Variants in RB1 observed in about 807,000 individuals in gnomAD.
The protein encoded by RB1 is retinoblastoma-associated protein.
RB1 carries 18 observed loss-of-function variants against 135.4 expected under a neutral mutation model. That is an observed-to-expected ratio of 0.13 (90% CI 0.09 to 0.20). The LOEUF (loss-of-function observed/expected upper bound fraction) is 0.20, where lower values mean the gene tolerates loss of function less well. Among genes scored for constraint, RB1 ranks in the 10% least tolerant of loss-of-function variants. The pLI is 1.00. For synonymous variants in RB1, 365 were observed against 373.2 expected (o/e 0.98, Z 0.25); for missense variants, 868 against 1,110.0 (o/e 0.78, Z 3.10).
chr13:48,424,174 T>C (rs1949047482), intron 17 of RB1: 1 of 152,648 alleles, frequency 6.6e-6, no homozygotes, highest in African/African-American at 2.4e-5. Context: ...TGAACATTTG[T>C]AATTTATGTT....
chr13:48,343,579 T>G (rs1401024982), intron 3 of RB1, among the ~76,000 whole-genome samples: 5 of 152,158 alleles, frequency 3.3e-5, no homozygotes, highest in African/African-American at 1.2e-4. Context: ...AGGCACTCAC[T>G]GCTTCTCTCC....
chr13:48,453,139 A>C (rs1949339369), intron 18 of RB1, 28 bp downstream of exon 18: 1 of 1,586,182 alleles, frequency 6.3e-7, no homozygotes, highest in South Asian at 1.1e-5. Flanking sequence ...TATGTTGACC[A>C]TTCAAACTGC....
chr13:48,390,433 C>T (rs1319244170), intron 17 of RB1, among the ~76,000 whole-genome samples: 2 of 152,010 alleles, frequency 1.3e-5, no homozygotes, highest in Admixed American at 1.3e-4. Flanking sequence ...CCAGAAAGTA[C>T]AGTGAGCAAG....
intron 17 of RB1, among the ~76,000 whole-genome samples, chr13:48,425,401 T>A (rs1176522885): frequency 6.6e-6 from 1 of 152,222 alleles, no homozygotes; most frequent in Non-Finnish European, 1.5e-5. Flanking sequence ...ATTCTTCACA[T>A]ACAATATATG....
chr13:48,351,759 T>G (rs1439505489), intron 6 of RB1, among the ~76,000 whole-genome samples: 2 of 151,904 alleles, frequency 1.3e-5, no homozygotes, highest in African/African-American at 2.4e-5. Flanking sequence ...CTGCAACCTC[T>G]GCCTCCCGGG....
chr13:48,337,736 T>G lies in RB1; in HGVS notation c.265-4863T>G, dbSNP rs1952398124. ...ATCCTGTCATTATGATGTTAGCTGG[T>G]GATTTTGCTCGTTAGTTGATGCAGT... On this transcript the variant is annotated intron_variant, in intron 2 of 26. Transcript: ENST00000267163. Among the ~76,000 whole-genome samples, 6 of 152,338 alleles carry G rather than the reference T, an allele frequency of 3.9e-5. No individual in the cohort carries two copies. In the South Asian group the frequency reaches 1.2e-3, roughly 32 times the overall value.
intron 3 of RB1, among the ~76,000 whole-genome samples, chr13:48,343,681 A>G (rs1002452802): frequency 1.3e-5 from 2 of 152,192 alleles, no homozygotes; most frequent in Non-Finnish European, 2.9e-5. Flanking sequence ...AGGTATTGCC[A>G]TATACCTCAA....
intron 6 of RB1, among the ~76,000 whole-genome samples, chr13:48,349,995 T>C (rs1161442857): frequency 2.0e-5 from 3 of 152,134 alleles, no homozygotes; most frequent in Non-Finnish European, 4.4e-5. Context: ...GATATAACAG[T>C]GTTAAATATT....
In RB1 at chr13:48,371,155, T is replaced by A. The variant is rs549068222; in HGVS notation, c.1128-2250T>A. 2.6e-5 allele frequency among the ~76,000 whole-genome samples: 4 copies of A among 152,258 alleles called. No individual in the cohort carries two copies. The South Asian group carries it at 6.2e-4, about 24-fold the overall frequency. On this transcript the variant is annotated intron_variant, in intron 11 of 26. Coordinates refer to ENST00000267163, the MANE Select transcript of RB1 (RefSeq NM_000321.3). ...GCCTTATATGCCATACTCACAAATT[T>A]GGAGTGTAGCATGTGCATGATATAG... is the stretch of plus-strand genomic sequence containing the variant.
intron 17 of RB1, among the ~76,000 whole-genome samples, chr13:48,443,231 G>A (rs1051991144): frequency 2.0e-5 from 3 of 151,316 alleles, no homozygotes; most frequent in Non-Finnish European, 4.4e-5. Flanking sequence ...CTATTTTTTA[G>A]CTAAGAAAAA....
chr13:48,353,332 C>G (rs930343287), intron 6 of RB1, among the ~76,000 whole-genome samples: 3 of 151,840 alleles, frequency 2.0e-5, no homozygotes, highest in African/African-American at 7.3e-5. Flanking sequence ...TGCCAATAAA[C>G]TGGAAAATAT....
intron 6 of RB1, among the ~76,000 whole-genome samples, chr13:48,356,297 A>T (rs571315673): frequency 6.6e-6 from 1 of 152,220 alleles, no homozygotes; most frequent in Non-Finnish European, 1.5e-5. Flanking sequence ...ATTCACGAAT[A>T]TAATTTTCTA....
intron 2 of RB1, among the ~76,000 whole-genome samples, chr13:48,331,508 A>G (rs1593428267): frequency 2.0e-5 from 3 of 152,292 alleles, no homozygotes; most frequent in Admixed American, 6.5e-5. Flanking sequence ...ACATCTTAGC[A>G]TGCTCAGTTC....
intron 2 of RB1, chr13:48,318,473 C>A (rs1040340090): frequency 2.3e-6 from 3 of 1,311,806 alleles, no homozygotes; most frequent in African/African-American, 3.0e-5. Context: ...CCAGGTGCCT[C>A]ACCTCGTCTG....
chr13:48,323,406 T>C lies in RB1; in HGVS notation c.264+16000T>C, dbSNP rs1486454230. Among the ~76,000 whole-genome samples the C allele has an allele frequency of 3.0e-4, 45 of 152,054 alleles. 1 individual carries two copies. Among genetic ancestry groups the C allele is most frequent in the Admixed American group, 2.9e-3 (44 of 15,288 alleles). ...TCCCGATTTTGGTTAATTTGAGCCT[T>C]CTCTCTTTTATCTTGGTCAGTCTAA... On this transcript the variant is annotated intron_variant, in intron 2 of 26. Coordinates refer to ENST00000267163, the MANE Select transcript of RB1 (RefSeq NM_000321.3).
chr13:48,366,219 A>T (rs1057441939), intron 9 of RB1, among the ~76,000 whole-genome samples: 2 of 152,182 alleles, frequency 1.3e-5, no homozygotes, highest in Non-Finnish European at 2.9e-5. Flanking sequence ...TAACTTTAAA[A>T]TCTGTTGTAG....
intron 17 of RB1, among the ~76,000 whole-genome samples, chr13:48,450,113 G>A (rs1265327403): frequency 1.4e-5 from 2 of 147,558 alleles, no homozygotes; most frequent in Admixed American, 6.7e-5. Context: ...TTTTTGCTGT[G>A]CAGAAGCTGT....
At chr13:48,337,812 T>C (rs1952398660) in intron 2 of RB1, among the ~76,000 whole-genome samples, 1 of 152,246 alleles carries the variant, frequency 6.6e-6, no homozygotes, top group Non-Finnish European at 1.5e-5. Flanking sequence ...TTGCAGTGGC[T>C]GGTACCAGCT....
intron 6 of RB1, among the ~76,000 whole-genome samples, chr13:48,357,213 G>A (rs1413690395): frequency 6.6e-6 from 1 of 150,762 alleles, no homozygotes; most frequent in Non-Finnish European, 1.5e-5. Context: ...ATTGTATTTT[G>A]GGAACATTTT....
Sources: allele counts gnomAD v4.1 joint callset (sites outside exome capture counted in the v4.1 genomes callset), GRCh38; gene constraint gnomAD v4.1.1; transcripts MANE v1.5; gene names NCBI Gene and HGNC (gene_info 2026-07-23, HGNC 2026-07-21).